The following AHCYL1 variants were observed in gnomAD, a reference collection of about 807,000 sequenced individuals.
AHCYL1 encodes the protein S-adenosylhomocysteine hydrolase-like protein 1.
Under a neutral mutation model 79.3 loss-of-function variants are expected in AHCYL1, and 20 were observed. The observed-to-expected ratio is 0.25, with a 90% confidence interval of 0.18 to 0.37. AHCYL1 has a LOEUF of 0.37. Ranked by LOEUF, AHCYL1 falls within the 10% of genes least tolerant of loss-of-function variation. The pLI, the probability that AHCYL1 is intolerant of heterozygous loss-of-function variation, is 1.00. For synonymous variants in AHCYL1, 223 were observed against 242.2 expected (o/e 0.92, Z 0.74); for missense variants, 330 against 673.6 (o/e 0.49, Z 5.65).
intron 2 of AHCYL1, among the ~76,000 whole-genome samples, chr1:110,009,886 T>C (rs1650912614): frequency 6.6e-6 from 1 of 152,262 alleles, no homozygotes; most frequent in African/African-American, 2.4e-5. Flanking sequence ...ACCTTGTCAT[T>C]GTTTAACTGA....
intron 1 of AHCYL1, among the ~76,000 whole-genome samples, chr1:110,002,074 A>G (rs1376519284): frequency 6.6e-6 from 1 of 152,236 alleles, no homozygotes; most frequent in Non-Finnish European, 1.5e-5. Context: ...CAAGACATAC[A>G]ATAGGAAAAT....
intron 1 of AHCYL1, among the ~76,000 whole-genome samples, chr1:109,986,700 C>A (rs114733614): frequency 3.3e-5 from 5 of 152,322 alleles, no homozygotes; most frequent in Admixed American, 1.3e-4. Context: ...GTTAGTAAAT[C>A]TGTATTCTTG....
intron 1 of AHCYL1, among the ~76,000 whole-genome samples, chr1:109,990,299 G>T (rs1322894321): frequency 1.3e-5 from 2 of 152,152 alleles, no homozygotes; most frequent in Admixed American, 6.5e-5. Context: ...TATATACATG[G>T]TTGAGAGGGT....
rs1177469511 is a variant in AHCYL1 at position 110,018,668 on chromosome 1, C to G, written c.1317+18C>G. On this transcript the variant is annotated intron_variant, in intron 13 of 16. Coordinates refer to ENST00000369799, the MANE Select transcript of AHCYL1 (RefSeq NM_006621.7). ...TGGCAGAGGTACACACAGAGAAGGA[C>G]CCTGGCAGAGCAGCACAAGCAGAGT... 6.2e-7 allele frequency: 1 copy of G among 1,606,348 alleles called. No individual in the cohort carries two copies. Among genetic ancestry groups the G allele is most frequent in the South Asian group, 1.1e-5 (1 of 90,146 alleles).
At chr1:109,999,454 G>A (rs1003944976) in intron 1 of AHCYL1, among the ~76,000 whole-genome samples, 1 of 152,054 alleles carries the variant, frequency 6.6e-6, no homozygotes, top group Non-Finnish European at 1.5e-5. Flanking sequence ...CCTTCCTGAC[G>A]CCTGGTAAGA....
rs188303522 is a variant in AHCYL1 at position 110,018,773 on chromosome 1, A to G, written c.1317+123A>G. Reference sequence around the variant, plus strand: ...CTGAATTTTATCTTTGGAGAGAGAGATATTTCACAAATTGGTCCCCAAAAT... The same window carrying G: ...CTGAATTTTATCTTTGGAGAGAGAGGTATTTCACAAATTGGTCCCCAAAAT... On this transcript the variant is annotated intron_variant, in intron 13 of 16. Transcript: ENST00000369799. 206 of 1,014,956 alleles carry G rather than the reference A, an allele frequency of 2.0e-4. 1 individual carries two copies. In the African/African-American group the frequency reaches 3.1e-3, roughly 15 times the overall value. The allele number at this position is 1,014,956 out of a possible 1,614,324, so 62.9% of individuals were successfully genotyped here.
intron 4 of AHCYL1, 41 bp downstream of exon 4, chr1:110,012,503 A>G: frequency 4.0e-6 from 6 of 1,507,028 alleles, no homozygotes; most frequent in Non-Finnish European, 5.4e-6. Flanking sequence ...TGATAAGGGG[A>G]AGAAAGAAAT....
chr1:110,008,082 G>T (rs1650779045), intron 1 of AHCYL1, among the ~76,000 whole-genome samples: 1 of 144,906 alleles, frequency 6.9e-6, no homozygotes, highest in African/African-American at 2.5e-5. Flanking sequence ...GAGTGCAGTG[G>T]CACGATCTCG....
At chr1:110,006,867 C>T (rs1343079123) in intron 1 of AHCYL1, among the ~76,000 whole-genome samples, 1 of 152,150 alleles carries the variant, frequency 6.6e-6, no homozygotes, top group Non-Finnish European at 1.5e-5. Context: ...TCATCCTTGC[C>T]ATGGCTTGGG....
chr1:110,015,314 G>A, intron 6 of AHCYL1, 111 bp from the exon 7 acceptor site: 2 of 829,528 alleles, frequency 2.4e-6, no homozygotes, highest in Non-Finnish European at 4.1e-6. Context: ...GCTCTGAGGA[G>A]TACTCTTCCA....
chr1:110,009,053 A>C lies in AHCYL1; in HGVS notation c.140A>C (p.Asp47Ala), dbSNP rs760591319. The C allele has an allele frequency of 1.0e-4, 161 of 1,613,692 alleles. No individual in the cohort carries two copies. The highest frequency in any genetic ancestry group is 2.0e-4 in the Admixed American group (12 of 59,988). ...GTATAGCAAATCCAGTTTGCTGATG[A>C]CATGCAGGAGTTCACCAAATTCCCC... is the stretch of plus-strand genomic sequence containing the variant. ...APKKQIQFAD[D>A]MQEFTKFPTK... Residue 47 changes from aspartate (D) to alanine (A), a missense_variant, in exon 2 of 17, where the codon GAC (aspartate) becomes GCC (alanine). This residue lies in a region of AHCYL1 where 66 missense variants were observed against 68.0 expected (regional missense o/e 0.97). Transcript: ENST00000369799.
intron 1 of AHCYL1, among the ~76,000 whole-genome samples, chr1:110,000,315 A>G (rs1400586205): frequency 6.6e-6 from 1 of 152,234 alleles, no homozygotes; most frequent in East Asian, 1.9e-4. Flanking sequence ...AGTAGTCTAG[A>G]TTAGATTGCC....
At chr1:109,986,096 C>T (rs898140660) in intron 1 of AHCYL1, among the ~76,000 whole-genome samples, 1 of 152,204 alleles carries the variant, frequency 6.6e-6, no homozygotes, top group African/African-American at 2.4e-5. Flanking sequence ...ACACCTGGCA[C>T]CCAGTTAGCA....
chr1:110,017,831 A>T, intron 10 of AHCYL1, 115 bp from the exon 11 acceptor site: 1 of 1,095,916 alleles, frequency 9.1e-7, no homozygotes, highest in East Asian at 2.4e-5. Context: ...ATCACTCACC[A>T]TTCCTGTGAG....
At chr1:110,010,802 T>C (rs1037842131) in intron 2 of AHCYL1, among the ~76,000 whole-genome samples, 20 of 152,240 alleles carry the variant, frequency 1.3e-4, no homozygotes, top group African/African-American at 4.8e-4. Flanking sequence ...CATGTGATCC[T>C]GATAGATGCT....
intron 1 of AHCYL1, among the ~76,000 whole-genome samples, chr1:109,985,707 A>G (rs1335770877): frequency 6.6e-6 from 1 of 152,178 alleles, no homozygotes; most frequent in Non-Finnish European, 1.5e-5. Context: ...AAAATCTATG[A>G]TTTTCACTTT....
At position 109,990,184 on chromosome 1, in the gene AHCYL1, T is replaced by G. The variant is rs753576267; in HGVS notation, c.120+5012T>G. ...ACAACATAAGGTAAGCACTGATTTT[T>G]GGAGTCAGTTTTACCTTTAGTCTCT... On this transcript the variant is annotated intron_variant, in intron 1 of 16. Coordinates refer to ENST00000369799, the MANE Select transcript of AHCYL1 (RefSeq NM_006621.7). 7.2e-5 allele frequency among the ~76,000 whole-genome samples: 11 copies of G among 152,372 alleles called. No individual in the cohort carries two copies. The East Asian group carries it at 2.1e-3, about 29-fold the overall frequency.
At chr1:110,019,972 C>T (rs1452126797) in intron 15 of AHCYL1, among the ~76,000 whole-genome samples, 1 of 152,156 alleles carries the variant, frequency 6.6e-6, no homozygotes, top group Non-Finnish European at 1.5e-5. Context: ...ATGAGAGAAA[C>T]AAACACAGGT....
intron 1 of AHCYL1, chr1:109,985,431 T>G (rs1462697868): frequency 1.4e-5 from 17 of 1,188,930 alleles, no homozygotes; most frequent in African/African-American, 1.6e-5. Context: ...AATTTGCGAC[T>G]GACTTTTCCT....
Sources: gnomAD v4.1 joint callset for allele counts (sites outside exome capture counted in the v4.1 genomes callset) on GRCh38, gnomAD v4.1.1 for gene constraint, gnomAD v4.1.1 regional missense constraint, MANE v1.5 for transcripts, NCBI Gene and HGNC (gene_info 2026-07-23, HGNC 2026-07-21) for gene names.